DOCK4: variants seen among roughly 807,000 people sequenced by gnomAD.
DOCK4 encodes dedicator of cytokinesis protein 4.
In DOCK4, 97 loss-of-function variants were observed where a neutral mutation model predicts 268.1. That is an observed-to-expected ratio of 0.36 (90% CI 0.31 to 0.43). DOCK4 has a LOEUF of 0.43. DOCK4 is among the 20% of genes least tolerant of loss of function. DOCK4 has a pLI of 1.00. For missense variants in DOCK4, 2,145 were observed against 2,455.7 expected (o/e 0.87, Z 2.67); for synonymous variants, 954 against 887.2 (o/e 1.08, Z -1.34).
intron 5 of DOCK4, among the ~76,000 whole-genome samples, chr7:111,991,078 G>A (rs1799483960): frequency 6.6e-6 from 1 of 152,196 alleles, no homozygotes; most frequent in African/African-American, 2.4e-5. Context: ...TTGTCACAGG[G>A]AGAAAGTCAC....
chr7:112,085,106 C>G (rs912398849), intron 1 of DOCK4, among the ~76,000 whole-genome samples: 18 of 152,088 alleles, frequency 1.2e-4, no homozygotes, highest in African/African-American at 3.9e-4. Flanking sequence ...CCACACAGAT[C>G]ATATCACAAA....
chr7:111,844,557 A>G (rs1286725688), intron 25 of DOCK4, among the ~76,000 whole-genome samples: 1 of 152,254 alleles, frequency 6.6e-6, no homozygotes, highest in Non-Finnish European at 1.5e-5. Context: ...TTCTGCAATT[A>G]AAAACTGCTT....
chr7:112,162,644 A>T (rs1817238605), intron 1 of DOCK4, among the ~76,000 whole-genome samples: 2 of 152,126 alleles, frequency 1.3e-5, no homozygotes, highest in East Asian at 3.9e-4. Flanking sequence ...AAGAAACTCC[A>T]TATAACCTCT....
At chr7:112,128,953 G>A (rs1024829467) in intron 1 of DOCK4, among the ~76,000 whole-genome samples, 24 of 152,184 alleles carry the variant, frequency 1.6e-4, no homozygotes, top group Non-Finnish European at 3.1e-4. Flanking sequence ...TACTGCTGGT[G>A]AAAATGTAGA....
At chr7:112,199,495 A>AT (rs979959857) in intron 1 of DOCK4, among the ~76,000 whole-genome samples, 2 of 151,960 alleles carry the variant, frequency 1.3e-5, no homozygotes, top group African/African-American at 4.8e-5. Context: ...TCTTGGCACA[A>AT]TTTTTTTTAA....
chr7:111,732,778 C>A lies in DOCK4; in HGVS notation c.5420-491G>T, dbSNP rs140287709. On this transcript the variant is annotated intron_variant, in intron 51 of 52. Coordinates refer to ENST00000428084, the MANE Select transcript of DOCK4 (RefSeq NM_001363540.2). ...CCCCCCAAACAACCCCAGTACTCCC[C>A]AAATAGGTAGAAAACCCTTGGCCAT... Among the ~76,000 whole-genome samples the A allele has an allele frequency of 5.7e-3, 862 of 152,312 alleles. 24 individuals are homozygous for A. The highest frequency in any genetic ancestry group is 0.043 in the Admixed American group (663 of 15,296).
At chr7:112,146,879 T>C (rs1014233768) in intron 1 of DOCK4, among the ~76,000 whole-genome samples, 2 of 152,200 alleles carry the variant, frequency 1.3e-5, no homozygotes, top group Non-Finnish European at 1.5e-5. Flanking sequence ...AATTTGATTA[T>C]ATTTTCTCTA....
At chr7:111,888,766 G>A (rs1808051093) in intron 16 of DOCK4, among the ~76,000 whole-genome samples, 1 of 152,102 alleles carries the variant, frequency 6.6e-6, no homozygotes, top group South Asian at 2.1e-4. Flanking sequence ...AATACAAGTT[G>A]GTGGAAGACA....
rs1408144477 is a variant in DOCK4 at position 112,004,040 on chromosome 7, C to T, written c.121+8G>A. ...TATGTTGAGGAGGTTGTTCATAAGGCTACTCACCATCACACTTCTCCAGGA... is the reference window on the plus strand; with the variant it reads ...TATGTTGAGGAGGTTGTTCATAAGGTTACTCACCATCACACTTCTCCAGGA... On this transcript the variant is annotated splice_region_variant and intron_variant, in intron 2 of 52. Transcript: ENST00000428084. The T allele has an allele frequency of 6.3e-7, 1 of 1,593,014 alleles. No homozygotes were observed. Among genetic ancestry groups the T allele is most frequent in the Non-Finnish European group, 8.6e-7 (1 of 1,168,170 alleles).
intron 35 of DOCK4, among the ~76,000 whole-genome samples, chr7:111,782,660 C>T (rs1325359370): frequency 6.6e-6 from 1 of 152,122 alleles, no homozygotes; most frequent in Non-Finnish European, 1.5e-5. Flanking sequence ...GGGGATGCAC[C>T]TTGTAATGTC....
intron 13 of DOCK4, among the ~76,000 whole-genome samples, chr7:111,911,364 T>C (rs1165314737): frequency 2.0e-5 from 3 of 152,230 alleles, no homozygotes; most frequent in Non-Finnish European, 4.4e-5. Context: ...TGATTGCATG[T>C]TTCCTAGTGT....
At chr7:112,085,543 C>T (rs1486188901) in intron 1 of DOCK4, among the ~76,000 whole-genome samples, 1 of 151,996 alleles carries the variant, frequency 6.6e-6, no homozygotes. Flanking sequence ...TTTATCTTAC[C>T]TTTCCTGTAA....
chr7:112,051,639 A>G (rs1017181658), intron 1 of DOCK4, among the ~76,000 whole-genome samples: 2 of 152,216 alleles, frequency 1.3e-5, no homozygotes, highest in South Asian at 2.1e-4. Flanking sequence ...CTAATAATAA[A>G]AAAATTAATT....
intron 37 of DOCK4, among the ~76,000 whole-genome samples, chr7:111,767,410 A>G (rs907317218): frequency 6.6e-6 from 1 of 151,904 alleles, no homozygotes; most frequent in African/African-American, 2.4e-5. Flanking sequence ...TATTTTTAGT[A>G]GAGATGGGGT....
chr7:111,983,862 G>GCGCGCGCACACACACACACACACACACA, intron 7 of DOCK4, among the ~76,000 whole-genome samples: 173 of 138,604 alleles, frequency 1.2e-3, no homozygotes, highest in African/African-American at 4.1e-3. Flanking sequence ...GCGCGCGCGC[G>GCGCGCGCACACACACACACACACACACA]CACACACACA....
chr7:111,838,635 A>C (rs1193354630), intron 25 of DOCK4, among the ~76,000 whole-genome samples: 1 of 152,180 alleles, frequency 6.6e-6, no homozygotes, highest in African/African-American at 2.4e-5. Flanking sequence ...TCAAATTCTA[A>C]AAAATGTAAA....
At chr7:112,035,647 C>T (rs1803685737) in intron 1 of DOCK4, among the ~76,000 whole-genome samples, 1 of 151,862 alleles carries the variant, frequency 6.6e-6, no homozygotes, top group Admixed American at 6.6e-5. Flanking sequence ...GCAGGAAAGA[C>T]AAAGAAATTA....
intron 25 of DOCK4, among the ~76,000 whole-genome samples, chr7:111,835,338 T>C (rs539671051): frequency 1.1e-4 from 16 of 152,330 alleles, no homozygotes; most frequent in African/African-American, 2.9e-4. Flanking sequence ...TTTTAAAAAA[T>C]AGTTTTATTC....
At chr7:112,127,888 G>A (rs1813387562) in intron 1 of DOCK4, among the ~76,000 whole-genome samples, 1 of 152,122 alleles carries the variant, frequency 6.6e-6, no homozygotes. Flanking sequence ...AATTAGTCGG[G>A]CATGGTGGTG....
Sources: gnomAD v4.1 joint callset for allele counts (sites outside exome capture counted in the v4.1 genomes callset) on GRCh38, gnomAD v4.1.1 for gene constraint, MANE v1.5 for transcripts, NCBI Gene and HGNC (gene_info 2026-07-23, HGNC 2026-07-21) for gene names.